ZNF638: variants seen among roughly 807,000 people sequenced by gnomAD.
The protein encoded by ZNF638 is zinc finger protein 638, also known as CTCL tumor antigen se33-1.
Under a neutral mutation model 195.6 loss-of-function variants are expected in ZNF638, and 46 were observed. That is an observed-to-expected ratio of 0.24 (90% CI 0.19 to 0.30). ZNF638 has a LOEUF of 0.30. ZNF638 is among the 10% of genes least tolerant of loss of function. The probability of loss-of-function intolerance (pLI) is 1.00; values close to 1 mark genes in which losing one functional copy is unlikely to be tolerated. For synonymous variants in ZNF638, 845 were observed against 772.0 expected, an observed-to-expected ratio of 1.09 and a Z score of -1.57; for missense variants, 2,440 against 2,325.3, an observed-to-expected ratio of 1.05 and a Z score of -1.01.
intron 1 of ZNF638, among the ~76,000 whole-genome samples, chr2:71,335,236 T>G (rs1483515843): frequency 6.6e-6 from 1 of 152,108 alleles, no homozygotes; most frequent in African/African-American, 2.4e-5. Context: ...AGACAAGGTC[T>G]TGCTGTATTG....
At chr2:71,353,705 C>A (rs1037573934) in intron 2 of ZNF638, among the ~76,000 whole-genome samples, 1 of 152,088 alleles carries the variant, frequency 6.6e-6, no homozygotes, top group Non-Finnish European at 1.5e-5. Context: ...TCCTGTATTA[C>A]TGTATCTTCC....
chr2:71,346,403 A>G (rs1162986036), intron 1 of ZNF638, among the ~76,000 whole-genome samples: 2 of 152,208 alleles, frequency 1.3e-5, no homozygotes. Flanking sequence ...GAACTTTTTA[A>G]CAGAATGTAG....
Position 71,388,299 on chromosome 2 carries a change from C to G in ZNF638, c.2377+7734C>G, listed in dbSNP as rs376095026. ...TCTAGATAAGTTTATTTACTTTTGCCGACCTTTGATCATCCGACCTTTGAT... is the reference window on the plus strand; with the variant it reads ...TCTAGATAAGTTTATTTACTTTTGCGGACCTTTGATCATCCGACCTTTGAT... On this transcript the variant is annotated intron_variant, in intron 10 of 27. Coordinates refer to ENST00000264447, the MANE Select transcript of ZNF638 (RefSeq NM_014497.5). 1.3e-4 allele frequency: 55 copies of G among 411,062 alleles called. 1 individual carries two copies. The highest frequency in any genetic ancestry group is 9.5e-4 in the South Asian group (46 of 48,168). The allele number at this position is 411,062 out of a possible 1,614,324, so 25.5% of individuals were successfully genotyped here.
chr2:71,343,856 C>T (rs933807156), intron 1 of ZNF638, among the ~76,000 whole-genome samples: 6 of 115,252 alleles, frequency 5.2e-5, no homozygotes, highest in African/African-American at 1.5e-4. Context: ...TGCCGCCAGG[C>T]GCGGTGGCTC....
chr2:71,374,178 G>A (rs984257171), intron 8 of ZNF638: 2 of 152,136 alleles, frequency 1.3e-5, no homozygotes, highest in Admixed American at 1.3e-4. Flanking sequence ...GTGCCTAAAA[G>A]GTTTTATTCC....
At chr2:71,433,479 C>T in intron 27 of ZNF638, 196 bp downstream of exon 27, 5 of 509,544 alleles carry the variant, frequency 9.8e-6, no homozygotes, top group Non-Finnish European at 1.7e-5. Context: ...TGAACAGCAA[C>T]ATTTGCCAGA....
chr2:71,391,820 C>A (rs913820975), intron 10 of ZNF638, among the ~76,000 whole-genome samples: 3 of 152,140 alleles, frequency 2.0e-5, no homozygotes. Context: ...AGGTATTTAA[C>A]CCCCGCAGCA....
At chr2:71,350,880 A>G (rs1166194065) in intron 2 of ZNF638, among the ~76,000 whole-genome samples, 2 of 152,218 alleles carry the variant, frequency 1.3e-5, no homozygotes, top group African/African-American at 4.8e-5. Context: ...GTGTAAAATG[A>G]TAGAAATTTG....
intron 10 of ZNF638, among the ~76,000 whole-genome samples, chr2:71,391,300 C>A (rs78785016): frequency 0.058 from 8,820 of 152,202 alleles, 970 homozygotes; most frequent in East Asian, 0.55. Flanking sequence ...TAATACTATT[C>A]CCCTTGCAGA....
chr2:71,345,338 A>T (rs540294154), intron 1 of ZNF638, among the ~76,000 whole-genome samples: 80 of 152,266 alleles, frequency 5.3e-4, no homozygotes, highest in South Asian at 2.9e-3. Flanking sequence ...CATAATGCTT[A>T]CTTTTTTTAA....
chr2:71,377,047 A>T (rs1046835140), intron 8 of ZNF638, among the ~76,000 whole-genome samples: 1 of 152,120 alleles, frequency 6.6e-6, no homozygotes, highest in African/African-American at 2.4e-5. Flanking sequence ...CCGAGGCAGG[A>T]TGATTGCTTG....
chr2:71,393,546 G>A, intron 10 of ZNF638: 1 of 717,966 alleles, frequency 1.4e-6, no homozygotes, highest in Non-Finnish European at 2.6e-6. Flanking sequence ...ACATTACCTG[G>A]GGGATGCTGA....
chr2:71,400,019 G>T, intron 13 of ZNF638, 93 bp from the exon 14 acceptor site: 1 of 1,063,712 alleles, frequency 9.4e-7, no homozygotes, highest in Non-Finnish European at 1.3e-6. Context: ...AAGGAGACTT[G>T]AAATGTCAAA....
intron 20 of ZNF638, chr2:71,408,661 A>G: frequency 2.7e-6 from 1 of 365,508 alleles, no homozygotes; most frequent in Non-Finnish European, 5.4e-6. Context: ...AAGATTTCAC[A>G]GGTTCTTGGC....
chr2:71,395,407 C>T (rs967456741), intron 10 of ZNF638: 19 of 660,558 alleles, frequency 2.9e-5, no homozygotes, highest in South Asian at 3.3e-5. Context: ...GAGACGCAAA[C>T]CTTCTTGGAA....
intron 10 of ZNF638, among the ~76,000 whole-genome samples, chr2:71,391,327 T>A (rs1213371351): frequency 2.0e-5 from 3 of 152,188 alleles, no homozygotes; most frequent in African/African-American, 7.2e-5. Context: ...CAGAGAACAA[T>A]TTACATTTAC....
At chr2:71,388,819 A>G (rs2079706469) in intron 10 of ZNF638, 2 of 728,850 alleles carry the variant, frequency 2.7e-6, no homozygotes, top group Non-Finnish European at 4.9e-6. Flanking sequence ...CAACAGAAAC[A>G]GTATATAAAA....
intron 1 of ZNF638, among the ~76,000 whole-genome samples, chr2:71,333,896 T>C (rs558120947): frequency 6.6e-6 from 1 of 152,344 alleles, no homozygotes; most frequent in South Asian, 2.1e-4. Flanking sequence ...TACTTGTATT[T>C]CAAAATTGAA....
chr2:71,337,164 A>G (rs1430907310), intron 1 of ZNF638, among the ~76,000 whole-genome samples: 5 of 145,782 alleles, frequency 3.4e-5, no homozygotes, highest in Non-Finnish European at 4.5e-5. Flanking sequence ...GACTTTGTAT[A>G]AAGTAAGAAG....
Sources: gnomAD v4.1 joint callset for allele counts (sites outside exome capture counted in the v4.1 genomes callset) on GRCh38, gnomAD v4.1.1 for gene constraint, MANE v1.5 for transcripts, NCBI Gene and HGNC (gene_info 2026-07-23, HGNC 2026-07-21) for gene names.